The following UGT1A10 variants were observed in gnomAD, a reference collection of about 807,000 sequenced individuals.
UGT1A10 encodes UDP-glucuronosyltransferase 1A10.
Under a neutral mutation model 45.8 loss-of-function variants are expected in UGT1A10, and 49 were observed. The ratio of observed to expected loss-of-function variants is 1.07; its 90% CI spans 0.85 to 1.36. The LOEUF (loss-of-function observed/expected upper bound fraction) is 1.36. Among genes scored for constraint, UGT1A10 ranks in the 40% most tolerant of loss-of-function variants. UGT1A10 has a pLI of 0.00. For missense variants in UGT1A10, 745 were observed against 668.6 expected (o/e 1.11, Z -1.26); for synonymous variants, 284 against 249.7 (o/e 1.14, Z -1.29).
chr2:233,736,028 C>T lies in UGT1A10; in HGVS notation c.856-31006C>T, dbSNP rs2078720719. 2.0e-5 allele frequency among the ~76,000 whole-genome samples: 3 copies of T among 152,098 alleles called. No homozygotes were observed. The South Asian group carries it at 6.2e-4, about 32-fold the overall frequency. ...TCGAGGAGTATCTTTGTGGTGTTCT[C>T]TGTATTTCCTGAATTTGAATGTTGG... is the stretch of plus-strand genomic sequence containing the variant. On this transcript the variant is annotated intron_variant, in intron 1 of 4. Transcript: ENST00000344644.
At chr2:233,765,421 C>T (rs1411731251) in intron 1 of UGT1A10, among the ~76,000 whole-genome samples, 1 of 152,188 alleles carries the variant, frequency 6.6e-6, no homozygotes, top group Non-Finnish European at 1.5e-5. Context: ...GAATACTATG[C>T]AGCCATAACA....
chr2:233,668,059 ATT>A, intron 1 of UGT1A10, among the ~76,000 whole-genome samples: 1 of 151,372 alleles, frequency 6.6e-6, no homozygotes, highest in East Asian at 1.9e-4. Flanking sequence ...TACTGTGCAC[ATT>A]TTTTTTTATT....
At chr2:233,664,504 A>C (rs1377375463) in intron 1 of UGT1A10, among the ~76,000 whole-genome samples, 1 of 152,222 alleles carries the variant, frequency 6.6e-6, no homozygotes. Flanking sequence ...CAGGCTGTAC[A>C]AGCATGGCGC....
At chr2:233,683,766 G>A (rs2074649939) in intron 1 of UGT1A10, among the ~76,000 whole-genome samples, 1 of 151,860 alleles carries the variant, frequency 6.6e-6, no homozygotes, top group African/African-American at 2.4e-5. Flanking sequence ...CATAATTAAT[G>A]TACTGCTTTG....
At chr2:233,637,664 T>C (rs1266229764) in intron 1 of UGT1A10, among the ~76,000 whole-genome samples, 1 of 152,202 alleles carries the variant, frequency 6.6e-6, no homozygotes, top group Non-Finnish European at 1.5e-5. Context: ...GAAATGAAAC[T>C]TCCGTTTTTT....
intron 1 of UGT1A10, chr2:233,719,318 G>T: frequency 6.2e-7 from 1 of 1,613,954 alleles, no homozygotes; most frequent in Non-Finnish European, 8.5e-7. Flanking sequence ...AGTACCTGTC[G>T]ATTCCTGCTG....
intron 1 of UGT1A10, chr2:233,742,665 A>C (rs1692062657): frequency 6.6e-6 from 1 of 152,140 alleles, no homozygotes; most frequent in Non-Finnish European, 1.5e-5. Flanking sequence ...ATGTAACCCC[A>C]AGGTTTGTCC....
chr2:233,743,668 G>A (rs898129248), intron 1 of UGT1A10: 18 of 1,367,120 alleles, frequency 1.3e-5, no homozygotes, highest in African/African-American at 4.5e-5. Flanking sequence ...AGGGGTCCTC[G>A]AAGGGCCTGC....
chr2:233,752,764 A>C (rs1695055831), intron 1 of UGT1A10, among the ~76,000 whole-genome samples: 1 of 152,262 alleles, frequency 6.6e-6, no homozygotes, highest in Non-Finnish European at 1.5e-5. Flanking sequence ...CAAACAAACA[A>C]ACAAACAATA....
intron 1 of UGT1A10, chr2:233,760,347 G>A (rs1239455417): frequency 6.2e-7 from 1 of 1,613,914 alleles, no homozygotes; most frequent in African/African-American, 1.3e-5. Flanking sequence ...TGTGTGTGCT[G>A]GGCCCAGTGG....
rs781412186 is a variant in UGT1A10, at chr2:233,767,080, T to C, written c.902T>C (p.Val301Ala). 6.2e-7 allele frequency: 1 copy of C among 1,614,096 alleles called. No individual in the cohort carries two copies. Among genetic ancestry groups the C allele is most frequent in the South Asian group, 1.1e-5 (1 of 91,078 alleles). ...INASGEHGIV[V>A]FSLGSMVSEI... The stretch of plus-strand genomic sequence containing the variant: ...GCTTCTGGAGAACATGGAATTGTGG[T>C]TTTCTCTTTGGGATCAATGGTCTCA... The change falls in exon 2 of 5, where the codon GTT becomes GCT. Residue 301 changes from valine (V) to alanine (A), a missense_variant. By Grantham distance (64) the Val-to-Ala change is moderately conservative. Transcript: ENST00000344644.
chr2:233,687,194 T>C (rs776003891), intron 1 of UGT1A10, among the ~76,000 whole-genome samples: 2 of 152,160 alleles, frequency 1.3e-5, no homozygotes, highest in South Asian at 2.1e-4. Flanking sequence ...ATACCCGTAA[T>C]TGGGTGGGTG....
chr2:233,681,788 T>C, intron 1 of UGT1A10: 1 of 1,455,446 alleles, frequency 6.9e-7, no homozygotes, highest in Non-Finnish European at 9.1e-7. Flanking sequence ...TTATTATGAG[T>C]AAATCATTGG....
At chr2:233,748,569 T>C (rs556466640) in intron 1 of UGT1A10, among the ~76,000 whole-genome samples, 1 of 151,818 alleles carries the variant, frequency 6.6e-6, no homozygotes, top group African/African-American at 2.4e-5. Context: ...GAAGTAGAAG[T>C]GTTAAAGAGG....
chr2:233,770,501 T>C (rs956860149), intron 4 of UGT1A10: 6 of 151,776 alleles, frequency 4.0e-5, no homozygotes, highest in African/African-American at 1.5e-4. Context: ...CAAAAAAATA[T>C]AAAAAAATTA....
intron 1 of UGT1A10, among the ~76,000 whole-genome samples, chr2:233,658,854 T>C (rs372055469): frequency 1.2e-4 from 19 of 152,232 alleles, no homozygotes; most frequent in African/African-American, 3.9e-4. Flanking sequence ...GTGATAATTA[T>C]AGCTTTGTAA....
At chr2:233,690,490 TC>T in intron 1 of UGT1A10, 2 of 1,289,746 alleles carry the variant, frequency 1.6e-6, no homozygotes, top group Non-Finnish European at 2.0e-6. Context: ...GGAAATCTGC[TC>T]TTGCCAACAG....
chr2:233,695,870 A>G (rs1194370927), intron 1 of UGT1A10, among the ~76,000 whole-genome samples: 2 of 152,186 alleles, frequency 1.3e-5, no homozygotes, highest in African/African-American at 4.8e-5. Flanking sequence ...ACAACAAACA[A>G]CGCAGAAAAC....
rs899779207 is a variant in UGT1A10 at position 233,690,760 on chromosome 2, T to TAC, written c.855+53397_855+53398dup. The TAC allele has an allele frequency of 2.3e-5, 21 of 905,564 alleles. No homozygotes were observed. The East Asian group carries it at 3.3e-4, about 14-fold the overall frequency. 56.1% of individuals were successfully genotyped at this position (905,564 alleles called of 1,614,324 possible). On this transcript the variant is annotated intron_variant, in intron 1 of 4. Transcript: ENST00000344644. ...CTCTGGCTAGTGTCCAGTGCAGACA[T>TAC]ACACACACACACACATACACACACA... is the stretch of plus-strand genomic sequence containing the variant.
Sources: allele counts gnomAD v4.1 joint callset (sites outside exome capture counted in the v4.1 genomes callset), GRCh38; gene constraint gnomAD v4.1.1; transcripts MANE v1.5; gene names NCBI Gene and HGNC (gene_info 2026-07-23, HGNC 2026-07-21).